Variants in DPYD observed in about 807,000 individuals in gnomAD.
The protein encoded by DPYD is dihydropyrimidine dehydrogenase.
Under a neutral mutation model 116.2 loss-of-function variants are expected in DPYD, and 109 were observed. The observed-to-expected ratio is 0.94, with a 90% CI of 0.80 to 1.10. DPYD has a LOEUF of 1.10. Ranked by LOEUF, DPYD falls within the 50% of genes least tolerant of loss-of-function variation. The pLI is 0.00. For missense variants in DPYD, 1,302 were observed against 1,254.5 expected, an observed-to-expected ratio of 1.04 and a Z score of -0.57; for synonymous variants, 440 against 432.0, an observed-to-expected ratio of 1.02 and a Z score of -0.23.
rs555243806 is a variant in DPYD at position 97,148,308 on chromosome 1, CT to C, written c.2622+44760del. Among the ~76,000 whole-genome samples, 329 of 151,760 alleles carry C rather than the reference CT, an allele frequency of 2.2e-3. 2 individuals are homozygous for C. The highest frequency in any genetic ancestry group is 7.7e-3 in the African/African-American group (320 of 41,312). On this transcript the variant is annotated intron_variant, in intron 20 of 22. Transcript: ENST00000370192. ...TCTGCTTTGAAATTTCATCATCAAA[CT>C]AGGCTTTTCCCTGATGAAAGTTCCA... is the stretch of plus-strand genomic sequence containing the variant.
chr1:97,255,462 T>C (rs1184926606), intron 18 of DPYD, among the ~76,000 whole-genome samples: 1 of 152,010 alleles, frequency 6.6e-6, no homozygotes, highest in Non-Finnish European at 1.5e-5. Flanking sequence ...GTAAGTCTCA[T>C]GAGATCTGAT....
chr1:97,458,201 A>T (rs1233433844), intron 13 of DPYD, among the ~76,000 whole-genome samples: 2 of 152,138 alleles, frequency 1.3e-5, no homozygotes, highest in African/African-American at 4.8e-5. Flanking sequence ...GGAAGTGATA[A>T]ATATTTTTTA....
intron 5 of DPYD, among the ~76,000 whole-genome samples, chr1:97,708,604 T>C (rs1036002900): frequency 2.0e-5 from 3 of 152,070 alleles, no homozygotes; most frequent in Non-Finnish European, 4.4e-5. Flanking sequence ...TTTGTTGTTC[T>C]ATATTATGTT....
At chr1:97,599,914 C>T (rs1052068583) in intron 8 of DPYD, among the ~76,000 whole-genome samples, 1 of 141,874 alleles carries the variant, frequency 7.0e-6, no homozygotes, top group African/African-American at 2.6e-5. Flanking sequence ...GGCGTGCTGG[C>T]TCATGCCTGT....
chr1:97,590,919 A>G (rs1272167448), intron 10 of DPYD, among the ~76,000 whole-genome samples: 1 of 152,202 alleles, frequency 6.6e-6, no homozygotes, highest in Non-Finnish European at 1.5e-5. Context: ...TTCTCTGTTC[A>G]AAGCAGCCCA....
intron 7 of DPYD, among the ~76,000 whole-genome samples, chr1:97,680,481 G>A (rs1225981400): frequency 6.6e-6 from 1 of 152,110 alleles, no homozygotes; most frequent in Non-Finnish European, 1.5e-5. Flanking sequence ...AGTTTTATAA[G>A]GCCACACATA....
At chr1:97,669,287 T>C (rs1659732559) in intron 8 of DPYD, among the ~76,000 whole-genome samples, 2 of 152,198 alleles carry the variant, frequency 1.3e-5, no homozygotes, top group Admixed American at 6.6e-5. Flanking sequence ...TAATGCTTAA[T>C]AATGCATTTT....
chr1:97,871,471 A>G (rs1248120393), intron 2 of DPYD, among the ~76,000 whole-genome samples: 6 of 151,778 alleles, frequency 4.0e-5, no homozygotes. Context: ...GAGCTCACAC[A>G]AGAGAGCTTC....
At position 97,278,298 on chromosome 1, in the gene DPYD, G is replaced by A. The variant is rs779393149; in HGVS notation, c.2299+26961C>T. On this transcript the variant is annotated intron_variant, in intron 18 of 22. Transcript: ENST00000370192. ...AAGTACCAGAAAAGCCAAAAGTAAT[G>A]CGCCAGTCTATAACAAATCTGTGTT... is the stretch of plus-strand genomic sequence containing the variant. Among the ~76,000 whole-genome samples the A allele has an allele frequency of 5.9e-5, 9 of 152,266 alleles. No individual in the cohort carries two copies. In the South Asian group the frequency reaches 1.7e-3, roughly 28 times the overall value.
At chr1:97,695,607 TGAAG>T (rs1284558804) in intron 6 of DPYD, among the ~76,000 whole-genome samples, 1 of 150,872 alleles carries the variant, frequency 6.6e-6, no homozygotes, top group Non-Finnish European at 1.5e-5. Flanking sequence ...ATATATATAC[TGAAG>T]GAAGGAAGGG....
intron 21 of DPYD, 59 bp downstream of exon 21, chr1:97,098,430 T>C: frequency 6.4e-7 from 1 of 1,566,614 alleles, no homozygotes; most frequent in Non-Finnish European, 8.8e-7. Flanking sequence ...ACATTTTAAC[T>C]ATATTTGTAT....
chr1:97,577,514 C>T (rs1303853188), intron 10 of DPYD, among the ~76,000 whole-genome samples: 3 of 152,066 alleles, frequency 2.0e-5, no homozygotes, highest in Non-Finnish European at 2.9e-5. Flanking sequence ...GGCACTGGCC[C>T]GCAGGTCCCA....
At chr1:97,147,417 A>T (rs1365020738) in intron 20 of DPYD, among the ~76,000 whole-genome samples, 3 of 152,180 alleles carry the variant, frequency 2.0e-5, no homozygotes, top group Admixed American at 2.0e-4. Context: ...GGAGATCACA[A>T]ACAGCCTTGA....
At chr1:97,408,108 A>C (rs182957029) in intron 14 of DPYD, among the ~76,000 whole-genome samples, 1 of 152,138 alleles carries the variant, frequency 6.6e-6, no homozygotes, top group Non-Finnish European at 1.5e-5. Context: ...TCAATGGGAA[A>C]CTACAACAAC....
chr1:97,736,976 A>T (rs1663990855), intron 4 of DPYD, among the ~76,000 whole-genome samples: 2 of 151,964 alleles, frequency 1.3e-5, no homozygotes, highest in Admixed American at 1.3e-4. Context: ...AAGATACTCC[A>T]TCACCACTAG....
chr1:97,898,044 G>A (rs1673172070), intron 1 of DPYD, among the ~76,000 whole-genome samples: 1 of 151,728 alleles, frequency 6.6e-6, no homozygotes, highest in South Asian at 2.1e-4. Flanking sequence ...GCTTTGTGAG[G>A]AGGGAATCAA....
intron 20 of DPYD, among the ~76,000 whole-genome samples, chr1:97,119,612 C>G (rs1007734796): frequency 6.6e-6 from 1 of 152,084 alleles, no homozygotes; most frequent in Non-Finnish European, 1.5e-5. Flanking sequence ...CTGTGAGGAT[C>G]CAGTAAAAGG....
Position 97,554,613 on chromosome 1 carries a change from T to A in DPYD, c.1340-4869A>T, listed in dbSNP as rs141528159. ...CGCTGAAAGCAAAATCTCAGCAAGA[T>A]CAAAATAAATTCTAATTACAAGGCC... On this transcript the variant is annotated intron_variant, in intron 11 of 22. Transcript: ENST00000370192. 1.0e-3 allele frequency among the ~76,000 whole-genome samples: 157 copies of A among 152,146 alleles called. 1 individual carries two copies. The highest frequency in any genetic ancestry group is 3.6e-3 in the African/African-American group (148 of 41,528).
At chr1:97,629,643 T>A (rs1657133725) in intron 8 of DPYD, among the ~76,000 whole-genome samples, 1 of 151,976 alleles carries the variant, frequency 6.6e-6, no homozygotes, top group Non-Finnish European at 1.5e-5. Flanking sequence ...AGACAGGCCA[T>A]TTCTGATAAT....
Sources: gnomAD v4.1 joint callset for allele counts (sites outside exome capture counted in the v4.1 genomes callset) on GRCh38, gnomAD v4.1.1 for gene constraint, MANE v1.5 for transcripts, NCBI Gene and HGNC (gene_info 2026-07-23, HGNC 2026-07-21) for gene names.